The following OTUB2 variants were observed in gnomAD, a reference collection of about 807,000 sequenced individuals.
OTUB2 encodes OTU deubiquitinase, ubiquitin aldehyde binding 2.
OTUB2 carries 21 observed loss-of-function variants against 25.1 expected under a neutral mutation model. That is an observed-to-expected ratio of 0.84 (90% CI 0.59 to 1.21). OTUB2 has a LOEUF of 1.21. Ranked by LOEUF, OTUB2 falls within the 50% of genes most tolerant of loss-of-function variation. OTUB2 has a pLI of 0.00. For missense variants in OTUB2, 283 were observed against 298.0 expected, an observed-to-expected ratio of 0.95 and a Z score of 0.37; for synonymous variants, 122 against 122.8, an observed-to-expected ratio of 0.99 and a Z score of 0.04.
At position 94,046,006 on chromosome 14, in the gene OTUB2, C is replaced by A; in HGVS notation, c.*84C>A. 1 of 1,450,936 alleles carries A rather than the reference C, an allele frequency of 6.9e-7. No homozygotes were observed. The highest frequency in any genetic ancestry group is 9.5e-7 in the Non-Finnish European group (1 of 1,052,118). 89.9% of individuals were successfully genotyped at this position (1,450,936 alleles called of 1,614,324 possible). A position where few individuals can be genotyped will look rare whatever the true frequency, so the allele number is the denominator to read the frequency against. ...CATTCCGGCTCTTCAATTTTTTAAG[C>A]AATTTAGACTGTAGCAAGAAAATGT... On this transcript the variant is annotated 3_prime_UTR_variant, in exon 6 of 6. Transcript: ENST00000203664.
chr14:94,037,131 T>A (rs976309196), intron 1 of OTUB2, among the ~76,000 whole-genome samples: 3 of 152,182 alleles, frequency 2.0e-5, no homozygotes, highest in African/African-American at 7.2e-5. Flanking sequence ...AGGCTTCCAG[T>A]AAAAAGATGA....
At chr14:94,032,921 AT>A (rs1390339320) in intron 1 of OTUB2, among the ~76,000 whole-genome samples, 1 of 152,034 alleles carries the variant, frequency 6.6e-6, no homozygotes, top group Non-Finnish European at 1.5e-5. Context: ...GCTATGTAGT[AT>A]TTTCTTCTTT....
intron 1 of OTUB2, among the ~76,000 whole-genome samples, chr14:94,031,679 C>T (rs1212264912): frequency 6.6e-6 from 1 of 152,192 alleles, no homozygotes; most frequent in African/African-American, 2.4e-5. Flanking sequence ...AGCCCACGTC[C>T]TTGCGCTTTC....
intron 1 of OTUB2, among the ~76,000 whole-genome samples, chr14:94,029,741 T>A (rs971813609): frequency 1.3e-5 from 2 of 152,374 alleles, no homozygotes; most frequent in Admixed American, 1.3e-4. Flanking sequence ...AGCATGGCTG[T>A]GTGCCAGGCA....
chr14:94,037,825 CA>C (rs1157987325), intron 2 of OTUB2, among the ~76,000 whole-genome samples: 1 of 152,170 alleles, frequency 6.6e-6, no homozygotes, highest in African/African-American at 2.4e-5. Flanking sequence ...CATGAGTGGC[CA>C]AGCTAGGATT....
chr14:94,028,472 T>C (rs1157804082), intron 1 of OTUB2, among the ~76,000 whole-genome samples: 1 of 152,100 alleles, frequency 6.6e-6, no homozygotes, highest in Non-Finnish European at 1.5e-5. Flanking sequence ...CTTGGGAAGG[T>C]AGGGGTGAGA....
Position 94,038,980 on chromosome 14 carries a change from C to A in OTUB2, c.117C>A (p.Phe39Leu). 1 of 1,614,200 alleles carries A rather than the reference C, an allele frequency of 6.2e-7. No homozygotes were observed. The highest frequency in any genetic ancestry group is 2.2e-5 in the East Asian group (1 of 44,866). Residue 39 changes from phenylalanine (F) to leucine (L), a missense_variant, in exon 3 of 6, where the codon TTC (phenylalanine) becomes TTA (leucine). Physicochemically the swap from Phe to Leu is conservative, Grantham distance 22 (BLOSUM62 0). Transcript: ENST00000203664. ...CCCCTCAGGAACTCAGCAAAAGGTT[C>A]ACCGCCATCCGCAAGACCAAAGGGG... ...RRKIEELSKRFTAIRKTKGDG... is the reference protein window; with the variant it reads ...RRKIEELSKRLTAIRKTKGDG...
chr14:94,036,055 T>C (rs1885049600), intron 1 of OTUB2, among the ~76,000 whole-genome samples: 2 of 152,184 alleles, frequency 1.3e-5, no homozygotes, highest in South Asian at 4.1e-4. Flanking sequence ...TCTGCTTCTG[T>C]GGGCTGAGCT....
Position 94,046,413 on chromosome 14 carries a change from T to A in OTUB2, c.*491T>A, listed in dbSNP as rs142155442. 1.2e-4 allele frequency: 20 copies of A among 167,894 alleles called. No individual in the cohort carries two copies. The East Asian group carries it at 3.0e-3, about 25-fold the overall frequency. 10.4% of individuals were successfully genotyped at this position (167,894 alleles called of 1,614,324 possible). On this transcript the variant is annotated 3_prime_UTR_variant, in exon 6 of 6. Coordinates refer to ENST00000203664, the MANE Select transcript of OTUB2 (RefSeq NM_023112.4). ...GGACTGGGCTCTGACAGATGGCCTATTGAGGTCAACTTGAATGTGAGGGCT... is the reference window on the plus strand; with the variant it reads ...GGACTGGGCTCTGACAGATGGCCTAATGAGGTCAACTTGAATGTGAGGGCT...
chr14:94,037,286 G>A, intron 1 of OTUB2, 94 bp from the exon 2 acceptor site: 1 of 775,888 alleles, frequency 1.3e-6, no homozygotes, highest in South Asian at 1.7e-5. Context: ...ATTCATTGTT[G>A]TCTGTAACCG....
At position 94,045,823 on chromosome 14, in the gene OTUB2, C is replaced by A; in HGVS notation, c.606C>A (p.Ala202=). 1 of 1,614,222 alleles carries A rather than the reference C, an allele frequency of 6.2e-7. No individual in the cohort carries two copies. Among genetic ancestry groups the A allele is most frequent in the Non-Finnish European group, 8.5e-7 (1 of 1,180,036 alleles). The change falls in exon 6 of 6, where the codon GCC becomes GCA. Residue 202 remains alanine (A), a synonymous_variant. Transcript: ENST00000203664. ...QVEYVDEMDT[A]LNHHVFPEAA... ...AGTACGTGGACGAGATGGATACCGC[C>A]CTGAACCACCACGTGTTCCCTGAGG...
chr14:94,040,532 A>G (rs1017698696), intron 3 of OTUB2, among the ~76,000 whole-genome samples: 1 of 152,120 alleles, frequency 6.6e-6, no homozygotes, highest in Non-Finnish European at 1.5e-5. Flanking sequence ...ACATTATAAC[A>G]CACTTCAGGG....
intron 2 of OTUB2, among the ~76,000 whole-genome samples, chr14:94,038,363 G>A (rs1885095994): frequency 6.6e-6 from 1 of 152,204 alleles, no homozygotes; most frequent in Non-Finnish European, 1.5e-5. Flanking sequence ...ACTGCCAGCT[G>A]GCCTCAGGTG....
At chr14:94,045,414 C>A (rs1885252511) in intron 5 of OTUB2, among the ~76,000 whole-genome samples, 1 of 152,220 alleles carries the variant, frequency 6.6e-6, no homozygotes, top group Non-Finnish European at 1.5e-5. Context: ...TGAAAAATGT[C>A]TGCCCCCCGT....
At chr14:94,041,885 C>A (rs1329516070) in intron 3 of OTUB2, among the ~76,000 whole-genome samples, 1 of 152,134 alleles carries the variant, frequency 6.6e-6, no homozygotes, top group Admixed American at 6.5e-5. Flanking sequence ...GGCCATAGCC[C>A]TGTCACGGAC....
Position 94,046,020 on chromosome 14 carries a change from G to C in OTUB2, c.*98G>C. On this transcript the variant is annotated 3_prime_UTR_variant, in exon 6 of 6. Coordinates refer to ENST00000203664, the MANE Select transcript of OTUB2 (RefSeq NM_023112.4). ...AATTTTTTAAGCAATTTAGACTGTAGCAAGAAAATGTGCAGCCTTTTGGGC... is the reference window on the plus strand; with the variant it reads ...AATTTTTTAAGCAATTTAGACTGTACCAAGAAAATGTGCAGCCTTTTGGGC... The C allele has an allele frequency of 7.3e-7, 1 of 1,360,812 alleles. No homozygotes were observed. The highest frequency in any genetic ancestry group is 1.0e-6 in the Non-Finnish European group (1 of 980,008). The allele number at this position is 1,360,812 out of a possible 1,614,324, so 84.3% of individuals were successfully genotyped here. A position where few individuals can be genotyped will look rare whatever the true frequency, so the allele number is the denominator to read the frequency against.
chr14:94,042,859 C>T (rs1003252170), intron 3 of OTUB2, among the ~76,000 whole-genome samples: 3 of 152,218 alleles, frequency 2.0e-5, no homozygotes, highest in African/African-American at 7.2e-5. Flanking sequence ...TCCACACTTG[C>T]GCCAAAGTGG....
chr14:94,026,414 GC>G lies in OTUB2; in HGVS notation c.-119del, dbSNP rs1325521807. On this transcript the variant is annotated 5_prime_UTR_variant, in exon 1 of 6. Transcript: ENST00000203664. ...GGAGCGGTCGGGTGTATTCTCCGCCGCCCCCACGCCCTCGAGGTCCCCGCCA... is the reference window on the plus strand; with the variant it reads ...GGAGCGGTCGGGTGTATTCTCCGCCGCCCCACGCCCTCGAGGTCCCCGCCA... 2.4e-5 allele frequency: 31 copies of G among 1,284,902 alleles called. No individual in the cohort carries two copies. Among genetic ancestry groups the G allele is most frequent in the African/African-American group, 4.6e-5 (3 of 64,588 alleles). The allele number at this position is 1,284,902 out of a possible 1,614,324, so 79.6% of individuals were successfully genotyped here. A position where few individuals can be genotyped will look rare whatever the true frequency, so the allele number is the denominator to read the frequency against.
chr14:94,026,987 G>C (rs547060968), intron 1 of OTUB2, among the ~76,000 whole-genome samples: 2 of 152,258 alleles, frequency 1.3e-5, no homozygotes, highest in Non-Finnish European at 2.9e-5. Flanking sequence ...AACCCCAAGG[G>C]AGGATCTAGG....
Sources: allele counts gnomAD v4.1 joint callset (sites outside exome capture counted in the v4.1 genomes callset), GRCh38; gene constraint gnomAD v4.1.1; transcripts MANE v1.5; gene names NCBI Gene and HGNC (gene_info 2026-07-23, HGNC 2026-07-21).